Variants in PTK2 observed in about 807,000 individuals in gnomAD.
PTK2 encodes the protein focal adhesion kinase 1.
A neutral mutation model predicts 150.1 loss-of-function variants in PTK2; 45 were observed. The observed-to-expected ratio is 0.30, with a 90% CI of 0.24 to 0.38. The LOEUF is 0.38. PTK2 is among the 10% of genes least tolerant of loss of function. The pLI is 1.00. For synonymous variants in PTK2, 432 were observed against 449.2 expected, an observed-to-expected ratio of 0.96 and a Z score of 0.48; for missense variants, 919 against 1,307.3, an observed-to-expected ratio of 0.70 and a Z score of 4.58.
intron 24 of PTK2, among the ~76,000 whole-genome samples, chr8:140,705,754 G>A (rs1169281016): frequency 6.6e-6 from 1 of 152,042 alleles, no homozygotes; most frequent in African/African-American, 2.4e-5. Flanking sequence ...ATTTCATCTG[G>A]GTTCTGTTAA....
At chr8:140,788,301 TTGAG>T (rs992281006) in intron 14 of PTK2, among the ~76,000 whole-genome samples, 2 of 152,212 alleles carry the variant, frequency 1.3e-5, no homozygotes, top group South Asian at 2.1e-4. Context: ...TTCACCTTTA[TTGAG>T]TATCTCTGCC....
intron 31 of PTK2, among the ~76,000 whole-genome samples, chr8:140,663,450 G>C (rs1014012869): frequency 6.6e-6 from 1 of 152,218 alleles, no homozygotes; most frequent in South Asian, 2.1e-4. Context: ...GGAGTCAGCA[G>C]GGAGCAAGGC....
At chr8:140,821,484 G>A (rs143055710) in intron 8 of PTK2, 1 of 152,236 alleles carries the variant, frequency 6.6e-6, no homozygotes, top group African/African-American at 2.4e-5. Context: ...GCAAACATAA[G>A]AGGCAGGCTT....
chr8:140,942,574 C>A (rs532868487), intron 1 of PTK2, among the ~76,000 whole-genome samples: 2 of 152,140 alleles, frequency 1.3e-5, no homozygotes, highest in South Asian at 2.1e-4. Context: ...CTAATCCAGA[C>A]AAATAAATGT....
chr8:140,665,459 C>T (rs761643616), intron 30 of PTK2, among the ~76,000 whole-genome samples: 14 of 152,120 alleles, frequency 9.2e-5, no homozygotes, highest in Non-Finnish European at 1.9e-4. Flanking sequence ...ACCACTGCCC[C>T]GGATGCAAGG....
At chr8:140,764,072 A>G (rs2100070881) in intron 15 of PTK2, 162 bp downstream of exon 17, 2 of 703,082 alleles carry the variant, frequency 2.8e-6, no homozygotes, top group Non-Finnish European at 5.0e-6. Context: ...GAGTGGGCAT[A>G]TGTAAGTAAT....
intron 26 of PTK2, among the ~76,000 whole-genome samples, chr8:140,690,931 T>A (rs1211770047): frequency 6.6e-6 from 1 of 152,230 alleles, no homozygotes; most frequent in South Asian, 2.1e-4. Flanking sequence ...TGGGCCTCAA[T>A]TTCTTCATTT....
chr8:140,844,023 T>C (rs1258105742), intron 7 of PTK2, among the ~76,000 whole-genome samples: 1 of 152,206 alleles, frequency 6.6e-6, no homozygotes, highest in Non-Finnish European at 1.5e-5. Context: ...TTCATGACCT[T>C]GACAGTTTTG....
chr8:140,814,090 C>A (rs565812143), intron 10 of PTK2, among the ~76,000 whole-genome samples: 1 of 152,108 alleles, frequency 6.6e-6, no homozygotes, highest in Admixed American at 6.5e-5. Context: ...TAAACCCTCC[C>A]AAGACTGAGC....
intron 20 of PTK2, among the ~76,000 whole-genome samples, chr8:140,741,317 T>G (rs2100055505): frequency 6.6e-6 from 1 of 151,540 alleles, no homozygotes; most frequent in South Asian, 2.1e-4. Context: ...TAGCCGGGCG[T>G]GGTGGTGGGC....
At chr8:140,752,363 G>C (rs1301152334) in intron 16 of PTK2, 47 bp from the exon 20 acceptor site, 2 of 1,546,404 alleles carry the variant, frequency 1.3e-6, no homozygotes, top group South Asian at 1.1e-5. Context: ...AAAAAGGTTT[G>C]CTATATTAAT....
chr8:140,751,158 C>A (rs1032183158), intron 17 of PTK2, among the ~76,000 whole-genome samples: 3 of 151,734 alleles, frequency 2.0e-5, no homozygotes, highest in African/African-American at 7.3e-5. Flanking sequence ...TCTCTTCTTG[C>A]GTGAAGTTTT....
intron 10 of PTK2, among the ~76,000 whole-genome samples, chr8:140,805,355 T>C (rs1436200190): frequency 6.6e-6 from 1 of 151,918 alleles, no homozygotes; most frequent in Non-Finnish European, 1.5e-5. Context: ...GGTCAGGAGA[T>C]TGAGACCACC....
chr8:140,850,007 T>C (rs897693388), intron 5 of PTK2, among the ~76,000 whole-genome samples: 1 of 152,128 alleles, frequency 6.6e-6, no homozygotes, highest in Admixed American at 6.5e-5. Context: ...TTCATATGCA[T>C]CTCCTGAGGT....
chr8:140,674,210 C>A, intron 29 of PTK2, 88 bp downstream of exon 32: 1 of 1,297,440 alleles, frequency 7.7e-7, no homozygotes, highest in Non-Finnish European at 1.1e-6. Flanking sequence ...GCACCAACTC[C>A]ACTCTATGAC....
chr8:140,870,005 T>C (rs898615724), intron 4 of PTK2, among the ~76,000 whole-genome samples: 1 of 152,052 alleles, frequency 6.6e-6, no homozygotes, highest in African/African-American at 2.4e-5. Context: ...GTATGAACAA[T>C]ATAATCTTCA....
intron 7 of PTK2, among the ~76,000 whole-genome samples, chr8:140,835,853 G>A (rs1470029911): frequency 1.3e-5 from 2 of 152,088 alleles, no homozygotes; most frequent in Non-Finnish European, 2.9e-5. Context: ...GGTTTCTATG[G>A]TTACTCCACT....
At chr8:140,926,533 C>T (rs1202587716) in intron 1 of PTK2, among the ~76,000 whole-genome samples, 1 of 152,136 alleles carries the variant, frequency 6.6e-6, no homozygotes, top group Non-Finnish European at 1.5e-5. Context: ...CTCTTATCCC[C>T]ATGCAACACC....
At chr8:140,695,460 G>T (rs977027565) in intron 26 of PTK2, among the ~76,000 whole-genome samples, 1 of 151,540 alleles carries the variant, frequency 6.6e-6, no homozygotes, top group African/African-American at 2.4e-5. Context: ...ACCCAGGCTG[G>T]AGTGTAGTGG....
Sources: allele counts gnomAD v4.1 joint callset (sites outside exome capture counted in the v4.1 genomes callset), GRCh38; gene constraint gnomAD v4.1.1; transcripts MANE v1.5; gene names NCBI Gene and HGNC (gene_info 2026-07-23, HGNC 2026-07-21).